COL15A1: variants seen among roughly 807,000 people sequenced by gnomAD.
COL15A1 encodes the protein collagen alpha-1(XV) chain.
Under a neutral mutation model 165.9 loss-of-function variants are expected in COL15A1, and 111 were observed. The ratio of observed to expected loss-of-function variants is 0.67; its 90% CI spans 0.57 to 0.78. The LOEUF (loss-of-function observed/expected upper bound fraction) is 0.78, where lower values mean the gene tolerates loss of function less well. Among genes scored for constraint, COL15A1 ranks in the 30% least tolerant of loss-of-function variants. COL15A1 has a pLI of 0.00. For missense variants in COL15A1, 1,745 were observed against 1,789.7 expected (o/e 0.98, Z 0.45); for synonymous variants, 659 against 674.8 (o/e 0.98, Z 0.36).
In COL15A1 at chr9:99,069,790, C is replaced by T. The variant is rs1825955289; in HGVS notation, c.4071C>T (p.Ser1357=). 1 of 1,614,086 alleles carries T rather than the reference C, an allele frequency of 6.2e-7. No homozygotes were observed. The highest frequency in any genetic ancestry group is 8.5e-7 in the Non-Finnish European group (1 of 1,180,050). ...TCACGGGACTTGCCTCCCCGCTGAG[C>T]ACGGGGAAGATTCTGGACCAGAAAG... ...TAVTGLASPL[S]TGKILDQKAY... Residue 1357 remains serine, a synonymous_variant, in exon 42 of 42, where the codon AGC becomes AGT. Transcript: ENST00000375001.
At chr9:99,057,369 G>A (rs570393383) in intron 35 of COL15A1, among the ~76,000 whole-genome samples, 47 of 152,288 alleles carry the variant, frequency 3.1e-4, no homozygotes, top group Middle Eastern at 3.4e-3. Context: ...CCTTAGGGGC[G>A]TGAGAACCTG....
chr9:98,968,019 A>G (rs1837985350), intron 2 of COL15A1, among the ~76,000 whole-genome samples: 2 of 152,204 alleles, frequency 1.3e-5, no homozygotes, highest in Admixed American at 1.3e-4. Flanking sequence ...CACTTTGAGA[A>G]CCACTGGCGT....
At chr9:99,041,064 G>C in intron 23 of COL15A1, 1 of 163,546 alleles carries the variant, frequency 6.1e-6, no homozygotes, top group South Asian at 1.6e-4. Flanking sequence ...GAGTGGTCCT[G>C]TGTTCCTGAG....
In COL15A1 at chr9:99,069,889, GC is replaced by G. The variant is rs1207215613; in HGVS notation, c.*5del. On this transcript the variant is annotated 3_prime_UTR_variant, in exon 42 of 42. Transcript: ENST00000375001. The stretch of plus-strand genomic sequence containing the variant: ...TCATGACAGACGCTAGGAAGTAATG[GC>G]CTTCTGATGATTCTTAAAGAGTTTT... The G allele has an allele frequency of 6.3e-7, 1 of 1,598,428 alleles. No homozygotes were observed. Among genetic ancestry groups the G allele is most frequent in the African/African-American group, 1.3e-5 (1 of 74,598 alleles).
At chr9:98,997,967 A>G (rs992332714) in intron 6 of COL15A1, 2 of 152,222 alleles carry the variant, frequency 1.3e-5, no homozygotes, top group African/African-American at 2.4e-5. Flanking sequence ...GCCAAATTCT[A>G]TTTCATTCAT....
intron 14 of COL15A1, among the ~76,000 whole-genome samples, chr9:99,024,285 G>GTTTTT (rs1016769818): frequency 7.7e-6 from 1 of 129,478 alleles, no homozygotes; most frequent in Non-Finnish European, 1.6e-5. Context: ...TTGTTTTTTT[G>GTTTTT]TTTTTTTTTT....
At chr9:99,008,400 A>AG (rs1838797008) in intron 9 of COL15A1, among the ~76,000 whole-genome samples, 1 of 152,202 alleles carries the variant, frequency 6.6e-6, no homozygotes, top group Non-Finnish European at 1.5e-5. Context: ...GGTTCCTTAA[A>AG]GGAGTCTGTA....
At chr9:99,017,590 C>T (rs970768743) in intron 11 of COL15A1, among the ~76,000 whole-genome samples, 3 of 152,088 alleles carry the variant, frequency 2.0e-5, no homozygotes, top group Non-Finnish European at 4.4e-5. Flanking sequence ...TGTCTGAGTC[C>T]AGTGCTAGAC....
At position 99,055,285 on chromosome 9, in the gene COL15A1, CA is replaced by C. The variant is rs761467522; in HGVS notation, c.3108del (p.Gly1037ValfsTer116). 2.1e-4 allele frequency: 339 copies of C among 1,613,146 alleles called. No homozygotes were observed. The highest frequency in any genetic ancestry group is 2.8e-4 in the Non-Finnish European group (331 of 1,179,292). ...LKGENGDKGF[K>X]GEKGEKGDIN... ...AGGGGGAGAATGGAGACAAGGGGTT[CA>C]AAGGTGAAAAAGGAGAAAAAGGAGA... On this transcript the variant is annotated frameshift_variant, in exon 34 of 42. Transcript: ENST00000375001. LOFTEE classifies it high-confidence loss of function.
intron 22 of COL15A1, among the ~76,000 whole-genome samples, chr9:99,040,064 C>A (rs1378996674): frequency 6.6e-6 from 1 of 152,196 alleles, no homozygotes; most frequent in African/African-American, 2.4e-5. Flanking sequence ...TGTACTGCAT[C>A]CATTTGATTT....
rs1005064854 is a variant in COL15A1 at position 99,015,342 on chromosome 9, A to AC, written c.1354-69dup. On this transcript the variant is annotated intron_variant, in intron 9 of 41. Transcript: ENST00000375001. Reference sequence around the variant, plus strand: ...GTTATCTGAGGCTTTAGCGCTTTCCACCCCCCAGCCTCACACCCACTGAAC... The same window carrying AC: ...GTTATCTGAGGCTTTAGCGCTTTCCACCCCCCCAGCCTCACACCCACTGAAC... 8 of 990,448 alleles carry AC rather than the reference A, an allele frequency of 8.1e-6. No homozygotes were observed. In the African/African-American group the frequency reaches 1.1e-4, roughly 14 times the overall value. 61.4% of individuals were successfully genotyped at this position (990,448 alleles called of 1,614,324 possible).
At chr9:98,971,535 T>A (rs779761604) in intron 2 of COL15A1, among the ~76,000 whole-genome samples, 3 of 151,820 alleles carry the variant, frequency 2.0e-5, no homozygotes, top group Non-Finnish European at 2.9e-5. Context: ...CCGCACCTGC[T>A]GGCCTTCACT....
At chr9:98,996,869 C>T (rs1200756742) in intron 5 of COL15A1, 65 bp from the exon 6 acceptor site, 1 of 1,592,348 alleles carries the variant, frequency 6.3e-7, no homozygotes, top group East Asian at 2.2e-5. Flanking sequence ...CAGTGATATT[C>T]TCTGTCATTT....
In COL15A1 at chr9:98,990,012, C is replaced by G. The variant is rs1048628275; in HGVS notation, c.804+754C>G. Among the ~76,000 whole-genome samples, 3 of 152,204 alleles carry G rather than the reference C, an allele frequency of 2.0e-5. No individual in the cohort carries two copies. The East Asian group carries it at 5.8e-4, about 29-fold the overall frequency. On this transcript the variant is annotated intron_variant, in intron 5 of 41. Transcript: ENST00000375001. ...TCAGCCGTCTCCTTGCCTGGTCAGG[C>G]TACTTTGTAAACGTATCTCTAATAG...
At chr9:98,958,458 T>G (rs554276835) in intron 2 of COL15A1, among the ~76,000 whole-genome samples, 1 of 152,098 alleles carries the variant, frequency 6.6e-6, no homozygotes, top group Non-Finnish European at 1.5e-5. Flanking sequence ...CAGCTGCTCA[T>G]TCCCCCTGTC....
chr9:99,023,283 G>A, intron 13 of COL15A1, 74 bp from the exon 14 acceptor site: 1 of 1,499,648 alleles, frequency 6.7e-7, no homozygotes, highest in Admixed American at 2.4e-5. Flanking sequence ...CCATTTTGGA[G>A]AAAACTCAGT....
intron 41 of COL15A1, 38 bp from the exon 42 acceptor site, chr9:99,069,635 G>A (rs761604845): frequency 1.3e-6 from 2 of 1,585,672 alleles, no homozygotes; most frequent in African/African-American, 1.4e-5. Context: ...ACAAAGAAGT[G>A]TCATTTTGAA....
chr9:98,991,360 A>C (rs1838426904), intron 5 of COL15A1, among the ~76,000 whole-genome samples: 1 of 152,194 alleles, frequency 6.6e-6, no homozygotes. Flanking sequence ...TGATTGGTCC[A>C]TTTTGACAGG....
chr9:99,055,136 T>C lies in COL15A1; in HGVS notation c.3066T>C (p.Phe1022=). The C allele has an allele frequency of 2.5e-6, 4 of 1,613,644 alleles. No homozygotes were observed. Among genetic ancestry groups the C allele is most frequent in the Non-Finnish European group, 3.4e-6 (4 of 1,179,506 alleles). ...TTGATCTAGCTTACCTGAGACACTT[T>C]CTGAACAACTTGAAGGTGAGTATTT... The part of the protein sequence containing the change: ...PPLDLAYLRH[F]LNNLKGENGD... Residue 1022 remains phenylalanine (F), a synonymous_variant, in exon 33 of 42, where the codon TTT becomes TTC. Coordinates refer to ENST00000375001, the MANE Select transcript of COL15A1 (RefSeq NM_001855.5).
Sources: gnomAD v4.1 joint callset for allele counts (sites outside exome capture counted in the v4.1 genomes callset) on GRCh38, gnomAD v4.1.1 for gene constraint, MANE v1.5 for transcripts, NCBI Gene and HGNC (gene_info 2026-07-23, HGNC 2026-07-21) for gene names.